Variants in COL11A1 observed in about 807,000 individuals in gnomAD.
COL11A1 encodes collagen type XI alpha 1 chain, also known as collagen alpha-1(XI) chain.
Under a neutral mutation model 265.2 loss-of-function variants are expected in COL11A1, and 74 were observed. The observed-to-expected ratio is 0.28, with a 90% CI of 0.23 to 0.34. The LOEUF (loss-of-function observed/expected upper bound fraction) is 0.34, where lower values mean the gene tolerates loss of function less well. Ranked by LOEUF, COL11A1 falls within the 10% of genes least tolerant of loss-of-function variation. The pLI is 1.00. For synonymous variants in COL11A1, 816 were observed against 727.6 expected, an observed-to-expected ratio of 1.12 and a Z score of -1.96; for missense variants, 2,165 against 2,263.6, an observed-to-expected ratio of 0.96 and a Z score of 0.88.
chr1:103,031,246 T>C lies in COL11A1; in HGVS notation c.652-2A>G. On this transcript the variant is annotated splice_acceptor_variant, in intron 4 of 66. Transcript: ENST00000370096. LOFTEE classifies it high-confidence loss of function. Reference sequence around the variant, plus strand: ...GATCAAAAACTGCTGAATGTCCCCCTGGGAAAAAAAAAAAAACAAAAACAA... The same window carrying C: ...GATCAAAAACTGCTGAATGTCCCCCCGGGAAAAAAAAAAAAACAAAAACAA... 1.4e-6 allele frequency: 2 copies of C among 1,471,020 alleles called. No homozygotes were observed. The highest frequency in any genetic ancestry group is 2.5e-5 in the East Asian group (1 of 39,290). The allele number at this position is 1,471,020 out of a possible 1,614,324, so 91.1% of individuals were successfully genotyped here. A position where few individuals can be genotyped will look rare whatever the true frequency, so the allele number is the denominator to read the frequency against.
chr1:102,933,810 C>T (rs558755753), intron 46 of COL11A1, among the ~76,000 whole-genome samples: 11 of 152,234 alleles, frequency 7.2e-5, no homozygotes, highest in East Asian at 1.9e-4. Flanking sequence ...TTTTTTAAGC[C>T]GGTCGGAAAA....
intron 41 of COL11A1, among the ~76,000 whole-genome samples, chr1:102,953,063 T>C (rs551971103): frequency 1.3e-5 from 2 of 152,198 alleles, no homozygotes; most frequent in Non-Finnish European, 2.9e-5. Flanking sequence ...GTGTATATAC[T>C]TTTTTTGTTT....
At chr1:102,977,988 T>A (rs924795039) in intron 35 of COL11A1, among the ~76,000 whole-genome samples, 6 of 152,116 alleles carry the variant, frequency 3.9e-5, no homozygotes, top group African/African-American at 1.4e-4. Flanking sequence ...CTATTATACA[T>A]TTCAAATCAT....
At chr1:102,901,464 A>C (rs1653196391) in intron 54 of COL11A1, among the ~76,000 whole-genome samples, 1 of 152,104 alleles carries the variant, frequency 6.6e-6, no homozygotes, top group Non-Finnish European at 1.5e-5. Context: ...TCCTTCAGCC[A>C]ATAAATCTGT....
chr1:103,090,420 C>T (rs1673227085), intron 1 of COL11A1, among the ~76,000 whole-genome samples: 1 of 152,108 alleles, frequency 6.6e-6, no homozygotes, highest in South Asian at 2.1e-4. Flanking sequence ...TTGATTATTT[C>T]TTATAATTTT....
chr1:102,987,530 T>C, intron 30 of COL11A1, 103 bp downstream of exon 30: 2 of 858,058 alleles, frequency 2.3e-6, no homozygotes, highest in South Asian at 1.4e-5. Flanking sequence ...TTATCTTTAA[T>C]GTAGTAAGAA....
At chr1:103,085,918 T>TTC (rs1672815490) in intron 1 of COL11A1, among the ~76,000 whole-genome samples, 1 of 152,108 alleles carries the variant, frequency 6.6e-6, no homozygotes. Flanking sequence ...TATGTTCTTA[T>TTC]CCGTCCTGTG....
At position 102,877,972 on chromosome 1, in the gene COL11A1, C is replaced by A. The variant is rs1649695458; in HGVS notation, c.*47G>T. On this transcript the variant is annotated 3_prime_UTR_variant, in exon 67 of 67. Coordinates refer to ENST00000370096, the MANE Select transcript of COL11A1 (RefSeq NM_001854.4). ...CATGTGGCACAAAATGGGTTGGTGG[C>A]ACCAAGGTATATTTTCTGTTGATTT... 3 of 1,605,812 alleles carry A rather than the reference C, an allele frequency of 1.9e-6. No homozygotes were observed. Among genetic ancestry groups the A allele is most frequent in the African/African-American group, 1.3e-5 (1 of 74,776 alleles).
rs34439772 is a variant in COL11A1, at chr1:103,060,974, C to CAA, written c.651+13642_651+13643dup. On this transcript the variant is annotated intron_variant, in intron 4 of 66. Coordinates refer to ENST00000370096, the MANE Select transcript of COL11A1 (RefSeq NM_001854.4). Reference sequence around the variant, plus strand: ...TTAAAGACAGGTTGTCAGAGTGGATCAAAAAAAAACCAAGGCTCAATTACA... The same window carrying CAA: ...TTAAAGACAGGTTGTCAGAGTGGATCAAAAAAAAAAACCAAGGCTCAATTACA... Among the ~76,000 whole-genome samples, 529 of 149,626 alleles carry CAA rather than the reference C, an allele frequency of 3.5e-3. 7 individuals carry two copies. The highest frequency in any genetic ancestry group is 0.012 in the African/African-American group (507 of 40,834).
intron 62 of COL11A1, among the ~76,000 whole-genome samples, chr1:102,888,212 T>C (rs189212386): frequency 6.6e-6 from 1 of 152,282 alleles, no homozygotes; most frequent in Non-Finnish European, 1.5e-5. Context: ...ATCTTTATAA[T>C]GCACTAGGAA....
chr1:103,097,476 C>T (rs576441382), intron 1 of COL11A1, among the ~76,000 whole-genome samples: 8 of 150,442 alleles, frequency 5.3e-5, no homozygotes, highest in South Asian at 2.1e-4. Context: ...AAGTTTTCTT[C>T]GACTTTACTA....
At position 102,962,279 on chromosome 1, in the gene COL11A1, T is replaced by A. The variant is rs903818490; in HGVS notation, c.3025-14A>T. ...ACCTGGATCACCCTAAAGAATATAA[T>A]AAACATCGTCAAGACAGATTAATTT... is the stretch of plus-strand genomic sequence containing the variant. On this transcript the variant is annotated splice_polypyrimidine_tract_variant and intron_variant, in intron 39 of 66. Transcript: ENST00000370096. The A allele has an allele frequency of 3.2e-5, 51 of 1,584,196 alleles. No homozygotes were observed. Among genetic ancestry groups the A allele is most frequent in the Non-Finnish European group, 4.3e-5 (49 of 1,152,938 alleles).
At chr1:103,103,785 T>C (rs1344921290) in intron 1 of COL11A1, among the ~76,000 whole-genome samples, 2 of 151,992 alleles carry the variant, frequency 1.3e-5, no homozygotes, top group Non-Finnish European at 2.9e-5. Context: ...TGAGAGTGAG[T>C]ACTTCCCATA....
At chr1:103,076,978 G>A (rs1485396494) in intron 3 of COL11A1, among the ~76,000 whole-genome samples, 1 of 152,028 alleles carries the variant, frequency 6.6e-6, no homozygotes, top group Non-Finnish European at 1.5e-5. Context: ...TATTATGGCA[G>A]TTGAGCTCAA....
At chr1:102,971,176 C>T (rs1661948423) in intron 36 of COL11A1, among the ~76,000 whole-genome samples, 1 of 152,080 alleles carries the variant, frequency 6.6e-6, no homozygotes, top group African/African-American at 2.4e-5. Context: ...CTTAAATGTC[C>T]TCTTGGAAGC....
intron 41 of COL11A1, among the ~76,000 whole-genome samples, chr1:102,948,678 C>A (rs1419030941): frequency 6.6e-6 from 1 of 151,700 alleles, no homozygotes; most frequent in Non-Finnish European, 1.5e-5. Context: ...AAAGAGGAGG[C>A]TATAGTTATA....
rs375216356 is a variant in COL11A1 at position 102,922,599 on chromosome 1, C to T, written c.3654+737G>A. On this transcript the variant is annotated intron_variant, in intron 47 of 66. Transcript: ENST00000370096. ...TATTTTTAGTAGAGACGGGGTTTCA[C>T]CGTGTTAGCCAGGATGGTCTCGATC... is the stretch of plus-strand genomic sequence containing the variant. Among the ~76,000 whole-genome samples the T allele has an allele frequency of 7.9e-5, 12 of 152,256 alleles. No individual in the cohort carries two copies. The East Asian group carries it at 1.4e-3, about 17-fold the overall frequency.
chr1:102,907,790 C>T (rs551212341), intron 54 of COL11A1, among the ~76,000 whole-genome samples: 4 of 151,900 alleles, frequency 2.6e-5, no homozygotes, highest in African/African-American at 9.7e-5. Flanking sequence ...TATTAGCATA[C>T]AAAATTTTAG....
rs2101678875 is a variant in COL11A1 at position 102,978,721 on chromosome 1, G to T, written c.2741C>A (p.Pro914His). The change falls in exon 35 of 67, where the codon CCT (proline) becomes CAT (histidine). Residue 914 changes from proline to histidine, a missense_variant. Pro to His is a moderately conservative substitution (Grantham distance 77). Coordinates refer to ENST00000370096, the MANE Select transcript of COL11A1 (RefSeq NM_001854.4). ...TATCATACGTACTCTTTCACCTGGAGGGCCAGGAGGGCCATCGCCACCTGA... is the reference window on the plus strand; with the variant it reads ...TATCATACGTACTCTTTCACCTGGATGGCCAGGAGGGCCATCGCCACCTGA... ...GTSGGDGPPG[P>H]PGERGPQGPQ... is the part of the protein sequence containing the mutation. The T allele has an allele frequency of 6.2e-7, 1 of 1,613,932 alleles. No individual in the cohort carries two copies. The highest frequency in any genetic ancestry group is 8.5e-7 in the Non-Finnish European group (1 of 1,179,860).
Sources: gnomAD v4.1 joint callset for allele counts (sites outside exome capture counted in the v4.1 genomes callset) on GRCh38, gnomAD v4.1.1 for gene constraint, MANE v1.5 for transcripts, NCBI Gene and HGNC (gene_info 2026-07-23, HGNC 2026-07-21) for gene names.